SLC15A2: variants seen among roughly 807,000 people sequenced by gnomAD.
SLC15A2 encodes the protein kidney H(+)/peptide cotransporter.
SLC15A2 carries 77 observed loss-of-function variants against 95.5 expected under a neutral mutation model. The observed-to-expected ratio is 0.81, with a 90% CI of 0.67 to 0.97. The LOEUF (loss-of-function observed/expected upper bound fraction) is 0.97. Ranked by LOEUF, SLC15A2 falls within the 50% of genes least tolerant of loss-of-function variation. SLC15A2 has a pLI of 0.00. For missense variants in SLC15A2, 893 were observed against 874.4 expected, an observed-to-expected ratio of 1.02 and a Z score of -0.27; for synonymous variants, 306 against 306.9, an observed-to-expected ratio of 1.00 and a Z score of 0.03.
At chr3:121,906,727 C>T (rs1709653980) in intron 3 of SLC15A2, among the ~76,000 whole-genome samples, 1 of 152,186 alleles carries the variant, frequency 6.6e-6, no homozygotes, top group Non-Finnish European at 1.5e-5. Context: ...GCGAGAGATC[C>T]ACTGTTAGTC....
At chr3:121,903,333 G>A (rs1276934005) in intron 3 of SLC15A2, among the ~76,000 whole-genome samples, 1 of 152,142 alleles carries the variant, frequency 6.6e-6, no homozygotes, top group Non-Finnish European at 1.5e-5. Flanking sequence ...TGCTTTTGCT[G>A]TGCAGAAGCT....
chr3:121,940,996 A>T lies in SLC15A2; in HGVS notation c.2179A>T (p.Thr727Ser), dbSNP rs777718977. 32 of 1,613,156 alleles carry T rather than the reference A, an allele frequency of 2.0e-5. No homozygotes were observed. In the Admixed American group the frequency reaches 3.5e-4, roughly 18 times the overall value. Residue 727 changes from threonine to serine, a missense_variant, in exon 22 of 22, where the codon ACA becomes TCA. By Grantham distance (58) the Thr-to-Ser change is moderately conservative. Transcript: ENST00000489711. The part of the protein sequence containing the change: ...GNMIKLETKK[T>S]KL ...CATGATCAAACTAGAGACCAAGAAG[A>T]CAAAACTCTGATGACTCCCTAGATT...
chr3:121,937,634 C>T (rs1576693921), intron 19 of SLC15A2, among the ~76,000 whole-genome samples: 1 of 152,048 alleles, frequency 6.6e-6, no homozygotes, highest in African/African-American at 2.4e-5. Context: ...TTAAGCACTT[C>T]TCTGTATTGG....
chr3:121,905,634 T>A (rs1356871586), intron 3 of SLC15A2, among the ~76,000 whole-genome samples: 1 of 152,230 alleles, frequency 6.6e-6, no homozygotes. Flanking sequence ...AGCAGGTTGT[T>A]CAGTTTCCAT....
chr3:121,902,532 C>A (rs1477923981), intron 3 of SLC15A2, among the ~76,000 whole-genome samples: 3 of 152,068 alleles, frequency 2.0e-5, no homozygotes, highest in African/African-American at 7.2e-5. Context: ...ATGACAGGCC[C>A]CCATGTGTGA....
At position 121,894,468 on chromosome 3, in the gene SLC15A2, G is replaced by C. The variant is rs1480026099; in HGVS notation, c.-9G>C. 1.9e-6 allele frequency: 3 copies of C among 1,609,802 alleles called. No individual in the cohort carries two copies. In the Admixed American group the frequency reaches 5.0e-5, roughly 27 times the overall value. On this transcript the variant is annotated 5_prime_UTR_variant, in exon 1 of 22. Transcript: ENST00000489711. ...TGCTTGAGGAGAGAGAGAGAGTAAG[G>C]AGCCAGCCATGAATCCTTTCCAGAA...
chr3:121,903,919 G>T (rs1465034780), intron 3 of SLC15A2, among the ~76,000 whole-genome samples: 1 of 152,170 alleles, frequency 6.6e-6, no homozygotes, highest in Non-Finnish European at 1.5e-5. Context: ...GGATAGCATT[G>T]AATCTATAAA....
chr3:121,922,367 T>C (rs1351198225), intron 8 of SLC15A2, 65 bp downstream of exon 8: 2 of 1,314,410 alleles, frequency 1.5e-6, no homozygotes, highest in Non-Finnish European at 2.2e-6. Context: ...GCTGAGAATA[T>C]GGGCCTTCAA....
chr3:121,897,647 T>C, intron 3 of SLC15A2, 118 bp downstream of exon 3: 1 of 946,182 alleles, frequency 1.1e-6, no homozygotes, highest in Non-Finnish European at 1.6e-6. Context: ...AAAATAAGAA[T>C]CTCTGTACAT....
In SLC15A2 at chr3:121,928,489, G is replaced by C; in HGVS notation, c.1275G>C (p.Glu425Asp). The C allele has an allele frequency of 6.2e-7, 1 of 1,614,112 alleles. No individual in the cohort carries two copies. The highest frequency in any genetic ancestry group is 2.2e-5 in the East Asian group (1 of 44,884). The change falls in exon 15 of 22, where the codon GAG becomes GAC. Residue 425 changes from glutamate to aspartate, a missense_variant. Glu to Asp is a conservative substitution (Grantham distance 45). Transcript: ENST00000489711. ...FLQVLNLADD[E>D]VKVTVVGNEN... ...AAGTCTTGAATCTGGCAGATGATGA[G>C]GTGAAGGTGACAGTGGTGGGAAATG...
intron 3 of SLC15A2, among the ~76,000 whole-genome samples, chr3:121,903,383 G>T (rs1443015495): frequency 1.5e-4 from 23 of 152,060 alleles, no homozygotes; most frequent in Non-Finnish European, 1.9e-4. Context: ...TTTTGGCTTT[G>T]GTTGCCATTG....
In SLC15A2 at chr3:121,943,865, T is replaced by C. The variant is rs923798567; in HGVS notation, c.*2858T>C. The stretch of plus-strand genomic sequence containing the variant: ...CAGCATGTTACTGTATTAAATGCTG[T>C]AGGCAATTGTAACACAATGGTATTT... On this transcript the variant is annotated 3_prime_UTR_variant, in exon 22 of 22. Transcript: ENST00000489711. 22 of 152,250 alleles carry C rather than the reference T, an allele frequency of 1.4e-4. No homozygotes were observed. Among genetic ancestry groups the C allele is most frequent in the Admixed American group, 1.2e-3 (19 of 15,284 alleles). The allele number at this position is 152,250 out of a possible 1,614,324, so 9.4% of individuals were successfully genotyped here. A position where few individuals can be genotyped will look rare whatever the true frequency, so the allele number is the denominator to read the frequency against.
At chr3:121,899,239 T>C (rs1218789952) in intron 3 of SLC15A2, among the ~76,000 whole-genome samples, 3 of 152,314 alleles carry the variant, frequency 2.0e-5, no homozygotes, top group Admixed American at 2.0e-4. Flanking sequence ...TCCTTCTTGA[T>C]GTATTTATTA....
intron 19 of SLC15A2, among the ~76,000 whole-genome samples, chr3:121,936,332 G>C (rs1710345776): frequency 6.6e-6 from 1 of 152,142 alleles, no homozygotes; most frequent in Non-Finnish European, 1.5e-5. Context: ...TTGACTTTCT[G>C]TCTCTTTGAT....
In SLC15A2 at chr3:121,931,752, C is replaced by T. The variant is rs150861987; in HGVS notation, c.1761+17C>T. On this transcript the variant is annotated intron_variant, in intron 19 of 21. Transcript: ENST00000489711. ...ATTACTAATGTAAGTAGCTCACAGC[C>T]ACCTCTTTACCCTCTCTCCATATAC... 4.2e-4 allele frequency: 607 copies of T among 1,432,482 alleles called. 2 individuals are homozygous for T. The highest frequency in any genetic ancestry group is 2.1e-3 in the Middle Eastern group (12 of 5,736). The allele number at this position is 1,432,482 out of a possible 1,614,324, so 88.7% of individuals were successfully genotyped here.
At chr3:121,904,927 C>G (rs1459595088) in intron 3 of SLC15A2, among the ~76,000 whole-genome samples, 1 of 152,182 alleles carries the variant, frequency 6.6e-6, no homozygotes, top group Non-Finnish European at 1.5e-5. Flanking sequence ...AGGAATGATA[C>G]CAGCCCCTCT....
intron 19 of SLC15A2, among the ~76,000 whole-genome samples, chr3:121,935,041 T>G (rs1365760321): frequency 3.3e-5 from 5 of 152,068 alleles, no homozygotes; most frequent in East Asian, 1.9e-4. Flanking sequence ...TTTGTCTTTG[T>G]TTCTGTTTAT....
rs1710394297 is a variant in SLC15A2, at chr3:121,938,429, A to T, written c.1762-920A>T. ...GCAATCAGCGAGACTCCGTGGGCGT[A>T]GGACCCTCCCAGCCAGGTGTGGGAT... On this transcript the variant is annotated intron_variant, in intron 19 of 21. Coordinates refer to ENST00000489711, the MANE Select transcript of SLC15A2 (RefSeq NM_021082.4). Among the ~76,000 whole-genome samples, 3 of 152,160 alleles carry T rather than the reference A, an allele frequency of 2.0e-5. No homozygotes were observed. The South Asian group carries it at 6.2e-4, about 32-fold the overall frequency.
At chr3:121,924,219 C>T in intron 11 of SLC15A2, 132 bp from the exon 12 acceptor site, 4 of 742,584 alleles carry the variant, frequency 5.4e-6, no homozygotes. Flanking sequence ...AATAGTGGCC[C>T]TGAACCAAAG....
Sources: gnomAD v4.1 joint callset for allele counts (sites outside exome capture counted in the v4.1 genomes callset) on GRCh38, gnomAD v4.1.1 for gene constraint, MANE v1.5 for transcripts, NCBI Gene and HGNC (gene_info 2026-07-23, HGNC 2026-07-21) for gene names.